Variants in GOLGA5 observed in about 807,000 individuals in gnomAD.
GOLGA5 encodes golgin A5, also known as golgin subfamily A member 5.
A neutral mutation model predicts 93.5 loss-of-function variants in GOLGA5; 50 were observed. That is an observed-to-expected ratio of 0.53 (90% CI 0.43 to 0.68). GOLGA5 has a LOEUF of 0.68. Ranked by LOEUF, GOLGA5 falls within the 30% of genes least tolerant of loss-of-function variation. GOLGA5 has a pLI of 0.00. For synonymous variants in GOLGA5, 312 were observed against 304.5 expected (o/e 1.02, Z -0.26); for missense variants, 760 against 856.4 (o/e 0.89, Z 1.40).
At chr14:92,838,854 C>G (rs1461381845) in intron 12 of GOLGA5, among the ~76,000 whole-genome samples, 1 of 152,012 alleles carries the variant, frequency 6.6e-6, no homozygotes, top group Admixed American at 6.6e-5. Context: ...TGGTGAGGCA[C>G]TTAGTGATGG....
At chr14:92,839,195 T>C (rs1421983904) in intron 12 of GOLGA5, among the ~76,000 whole-genome samples, 171 bp from the exon 13 acceptor site, 1 of 152,256 alleles carries the variant, frequency 6.6e-6, no homozygotes, top group African/African-American at 2.4e-5. Context: ...GTAGCAAGTC[T>C]TTATTACCTT....
intron 2 of GOLGA5, among the ~76,000 whole-genome samples, chr14:92,803,320 CCACCA>C (rs774630938): frequency 1.3e-5 from 2 of 152,228 alleles, no homozygotes; most frequent in Non-Finnish European, 2.9e-5. Context: ...CAGGCATGAG[CCACCA>C]CACCTAACCT....
At chr14:92,800,417 G>T (rs574230115) in intron 2 of GOLGA5, among the ~76,000 whole-genome samples, 1 of 152,372 alleles carries the variant, frequency 6.6e-6, no homozygotes, top group East Asian at 1.9e-4. Flanking sequence ...GAGGCTAGTA[G>T]AGTAGAAAAC....
intron 9 of GOLGA5, among the ~76,000 whole-genome samples, chr14:92,831,520 A>G (rs1012151934): frequency 6.6e-6 from 1 of 152,188 alleles, no homozygotes; most frequent in African/African-American, 2.4e-5. Flanking sequence ...AGAAATCAGA[A>G]TAGTGATTGT....
chr14:92,816,922 TC>T (rs1885222624), intron 7 of GOLGA5, among the ~76,000 whole-genome samples: 1 of 150,092 alleles, frequency 6.7e-6, no homozygotes, highest in Non-Finnish European at 1.5e-5. Context: ...TTTCTTTCCT[TC>T]CTTTCTTTCC....
Position 92,833,367 on chromosome 14 carries a change from CAAAAG to C in GOLGA5, c.1945+23_1945+27del, listed in dbSNP as rs1483821112. The C allele has an allele frequency of 1.4e-6, 2 of 1,427,292 alleles. No homozygotes were observed. Among genetic ancestry groups the C allele is most frequent in the Non-Finnish European group, 9.9e-7 (1 of 1,010,536 alleles). The allele number at this position is 1,427,292 out of a possible 1,614,324, so 88.4% of individuals were successfully genotyped here. ...GTGAAGGTAATCAAAAAAGGAATCT[CAAAAG>C]AACATTTCATTCAAACATGCTTTTG... On this transcript the variant is annotated intron_variant, in intron 10 of 12. Coordinates refer to ENST00000163416, the MANE Select transcript of GOLGA5 (RefSeq NM_005113.4).
chr14:92,811,744 G>C lies in GOLGA5; in HGVS notation c.1310G>C (p.Arg437Thr). ...ELIDYKQKAT[R>T]ILQSKEKLIN... ...ATTGACTACAAGCAAAAAGCTACTA[G>C]AATACTGCAAGTAAGCATGAAATGT... Residue 437 changes from arginine to threonine, a missense_variant, in exon 6 of 13, where the codon AGA becomes ACA. By Grantham distance (71) the Arg-to-Thr change is moderately conservative. Transcript: ENST00000163416. 6.2e-7 allele frequency: 1 copy of C among 1,607,140 alleles called. No individual in the cohort carries two copies.
intron 9 of GOLGA5, among the ~76,000 whole-genome samples, chr14:92,827,864 C>CATT (rs1312772564): frequency 1.3e-5 from 2 of 152,234 alleles, no homozygotes; most frequent in African/African-American, 4.8e-5. Flanking sequence ...CCAGCCACAA[C>CATT]ATTCCCTTAA....
At chr14:92,796,150 G>T (rs1052000091) in intron 1 of GOLGA5, among the ~76,000 whole-genome samples, 1 of 152,226 alleles carries the variant, frequency 6.6e-6, no homozygotes, top group African/African-American at 2.4e-5. Flanking sequence ...ATGTAATAGT[G>T]CTGCAGTTTA....
chr14:92,833,391 G>A (rs770010887), intron 10 of GOLGA5, 44 bp downstream of exon 10: 6 of 1,336,168 alleles, frequency 4.5e-6, no homozygotes, highest in South Asian at 1.2e-5. Flanking sequence ...ATTCAAACAT[G>A]CTTTTGAAAA....
chr14:92,812,318 A>G (rs743219), intron 6 of GOLGA5, among the ~76,000 whole-genome samples: 112,544 of 152,096 alleles, frequency 0.74, 42,102 homozygotes, highest in East Asian at 0.85. Context: ...CCCTTTCTCC[A>G]TAGATCTATG....
At position 92,811,715 on chromosome 14, in the gene GOLGA5, A is replaced by G; in HGVS notation, c.1281A>G (p.Glu427=). Residue 427 remains glutamate (E), a synonymous_variant, in exon 6 of 13, where the codon GAA becomes GAG. Coordinates refer to ENST00000163416, the MANE Select transcript of GOLGA5 (RefSeq NM_005113.4). ...TGAACTTGGAGTCCTCTAAGCAGGA[A>G]TTAATTGACTACAAGCAAAAAGCTA... ...YKLNLESSKQ[E]LIDYKQKATR... 6.2e-7 allele frequency: 1 copy of G among 1,613,334 alleles called. No homozygotes were observed. Among genetic ancestry groups the G allele is most frequent in the Non-Finnish European group, 8.5e-7 (1 of 1,179,502 alleles).
At chr14:92,837,553 C>T (rs1026890332) in intron 12 of GOLGA5, 104 bp downstream of exon 12, 2 of 663,298 alleles carry the variant, frequency 3.0e-6, no homozygotes, top group East Asian at 5.4e-5. Context: ...GATATTTTAG[C>T]AATCAATCAA....
rs1885712318 is a variant in GOLGA5, at chr14:92,839,372, C to T, written c.2122C>T (p.Leu708Phe). 1 of 1,610,812 alleles carries T rather than the reference C, an allele frequency of 6.2e-7. No homozygotes were observed. Among genetic ancestry groups the T allele is most frequent in the Non-Finnish European group, 8.5e-7 (1 of 1,177,274 alleles). Reference sequence around the variant, plus strand: ...TTGCTTTTTCTTTCTCTAGGCTTTGCTTCACCTCTGGGTCATGATTGTTCT... The same window carrying T: ...TTGCTTTTTCTTTCTCTAGGCTTTGTTTCACCTCTGGGTCATGATTGTTCT... The part of the protein sequence containing the change: ...RVFVIIYMAL[L>F]HLWVMIVLLT... The change falls in exon 13 of 13, where the codon CTT becomes TTT. Residue 708 changes from leucine to phenylalanine, a missense_variant. Physicochemically the swap from Leu to Phe is conservative, Grantham distance 22. Transcript: ENST00000163416.
At chr14:92,823,873 G>T (rs988863833) in intron 8 of GOLGA5, among the ~76,000 whole-genome samples, 2 of 152,050 alleles carry the variant, frequency 1.3e-5, no homozygotes, top group African/African-American at 4.8e-5. Context: ...CTAAGAATAT[G>T]ATATGACTTT....
At chr14:92,815,415 T>TAA (rs1320186827) in intron 6 of GOLGA5, among the ~76,000 whole-genome samples, 1 of 152,230 alleles carries the variant, frequency 6.6e-6, no homozygotes, top group African/African-American at 2.4e-5. Flanking sequence ...ACTTCTCTTT[T>TAA]AGTTTGTAAG....
At chr14:92,806,629 T>C in intron 2 of GOLGA5, 107 bp from the exon 3 acceptor site, 1 of 745,624 alleles carries the variant, frequency 1.3e-6, no homozygotes, top group Non-Finnish European at 2.3e-6. Flanking sequence ...TTACTTTTTA[T>C]GGTGTTTTAG....
At chr14:92,798,857 A>T (rs1317202077) in intron 2 of GOLGA5, among the ~76,000 whole-genome samples, 1 of 152,238 alleles carries the variant, frequency 6.6e-6, no homozygotes, top group African/African-American at 2.4e-5. Context: ...TCGAGGTTGC[A>T]GTGAGCCGAG....
At chr14:92,803,075 G>A (rs1242302832) in intron 2 of GOLGA5, among the ~76,000 whole-genome samples, 5 of 151,594 alleles carry the variant, frequency 3.3e-5, no homozygotes, top group East Asian at 1.9e-4. Context: ...TCACTCTGTC[G>A]CCCAGGTTGG....
Sources: gnomAD v4.1 joint callset for allele counts (sites outside exome capture counted in the v4.1 genomes callset) on GRCh38, gnomAD v4.1.1 for gene constraint, MANE v1.5 for transcripts, NCBI Gene and HGNC (gene_info 2026-07-23, HGNC 2026-07-21) for gene names.